Variants in SERPINI1 observed in about 807,000 individuals in gnomAD.
The protein encoded by SERPINI1 is serpin family I member 1, also known as neuroserpin.
A neutral mutation model predicts 41.1 loss-of-function variants in SERPINI1; 19 were observed. The observed-to-expected ratio is 0.46, with a 90% CI of 0.32 to 0.68. The LOEUF (loss-of-function observed/expected upper bound fraction) is 0.68, where lower values mean the gene tolerates loss of function less well. Among genes scored for constraint, SERPINI1 ranks in the 30% least tolerant of loss-of-function variants. The pLI, the probability that SERPINI1 is intolerant of heterozygous loss-of-function variation, is 0.03. For synonymous variants in SERPINI1, 138 were observed against 156.6 expected (o/e 0.88, Z 0.89); for missense variants, 460 against 479.2 (o/e 0.96, Z 0.37).
At chr3:167,787,463 G>A (rs1727352294) in intron 1 of SERPINI1, among the ~76,000 whole-genome samples, 1 of 152,160 alleles carries the variant, frequency 6.6e-6, no homozygotes, top group African/African-American at 2.4e-5. Flanking sequence ...GCCTTTTCCT[G>A]GAGTTCTCTG....
At chr3:167,782,604 T>C (rs1229501529) in intron 1 of SERPINI1, among the ~76,000 whole-genome samples, 1 of 152,190 alleles carries the variant, frequency 6.6e-6, no homozygotes, top group Non-Finnish European at 1.5e-5. Context: ...TCCATTTGTG[T>C]CCTCAAAAAG....
At chr3:167,786,059 G>A (rs1427810859) in intron 1 of SERPINI1, among the ~76,000 whole-genome samples, 1 of 152,160 alleles carries the variant, frequency 6.6e-6, no homozygotes, top group Non-Finnish European at 1.5e-5. Flanking sequence ...TAGCTCCTCG[G>A]CTACAAACTT....
At chr3:167,823,876 G>A (rs1160165644) in intron 7 of SERPINI1, among the ~76,000 whole-genome samples, 1 of 152,142 alleles carries the variant, frequency 6.6e-6, no homozygotes, top group Non-Finnish European at 1.5e-5. Context: ...CTATACTGCA[G>A]CAAGTATATA....
At chr3:167,821,362 C>A (rs768009387) in intron 6 of SERPINI1, among the ~76,000 whole-genome samples, 2 of 152,214 alleles carry the variant, frequency 1.3e-5, no homozygotes, top group African/African-American at 4.8e-5. Flanking sequence ...TGAAGCTCTG[C>A]GGTTCCCGGT....
intron 5 of SERPINI1, among the ~76,000 whole-genome samples, chr3:167,798,973 C>T (rs201703303): frequency 6.6e-6 from 1 of 151,810 alleles, no homozygotes; most frequent in East Asian, 1.9e-4. Context: ...CATACGTATC[C>T]CTTGAATCTA....
chr3:167,792,501 T>G, intron 3 of SERPINI1, 89 bp from the exon 4 acceptor site: 1 of 1,059,334 alleles, frequency 9.4e-7, no homozygotes, highest in Non-Finnish European at 1.4e-6. Context: ...TCTGGACCAC[T>G]CTATCAGATG....
intron 6 of SERPINI1, among the ~76,000 whole-genome samples, chr3:167,820,930 C>T (rs1185716913): frequency 6.6e-6 from 1 of 152,160 alleles, no homozygotes. Context: ...CCTCTGAAGC[C>T]TATAAAAACC....
chr3:167,783,784 A>G (rs9290319), intron 1 of SERPINI1, among the ~76,000 whole-genome samples: 68,135 of 152,036 alleles, frequency 0.45, 16,181 homozygotes, highest in African/African-American at 0.61. Flanking sequence ...GCTAGAGTAG[A>G]CTAGCAGAGG....
intron 6 of SERPINI1, among the ~76,000 whole-genome samples, chr3:167,815,482 T>TG (rs1429296527): frequency 2.0e-5 from 3 of 152,068 alleles, no homozygotes; most frequent in Non-Finnish European, 4.4e-5. Context: ...CTCTGCCTCC[T>TG]GGGTTCGAGC....
intron 1 of SERPINI1, among the ~76,000 whole-genome samples, chr3:167,779,193 T>A (rs1727043927): frequency 6.6e-6 from 1 of 152,186 alleles, no homozygotes; most frequent in Non-Finnish European, 1.5e-5. Context: ...AAAGAAAAAT[T>A]TCTAGCTTAA....
At chr3:167,821,373 G>A (rs79350676) in intron 6 of SERPINI1, among the ~76,000 whole-genome samples, 2,645 of 152,314 alleles carry the variant, frequency 0.017, 26 homozygotes, top group Non-Finnish European at 0.027. Context: ...GGTTCCCGGT[G>A]TCTCCAAGCT....
chr3:167,751,222 C>T (rs73035356), intron 1 of SERPINI1, among the ~76,000 whole-genome samples: 10,143 of 152,174 alleles, frequency 0.067, 1,124 homozygotes, highest in African/African-American at 0.23. Context: ...ACCGCAGACT[C>T]CTCTATTCTC....
At chr3:167,798,536 G>T (rs1161462891) in intron 5 of SERPINI1, among the ~76,000 whole-genome samples, 1 of 152,042 alleles carries the variant, frequency 6.6e-6, no homozygotes, top group Non-Finnish European at 1.5e-5. Flanking sequence ...TTTTAGCAAA[G>T]GTAAAAATGT....
chr3:167,802,992 T>C (rs1394086098), intron 5 of SERPINI1, among the ~76,000 whole-genome samples: 1 of 151,490 alleles, frequency 6.6e-6, no homozygotes, highest in Non-Finnish European at 1.5e-5. Context: ...ATGGATGAAA[T>C]TGGAAATCAT....
At chr3:167,758,257 T>G (rs571066306) in intron 1 of SERPINI1, among the ~76,000 whole-genome samples, 1 of 152,308 alleles carries the variant, frequency 6.6e-6, no homozygotes, top group East Asian at 1.9e-4. Context: ...GATGGATTGA[T>G]TTTTAACAAG....
At chr3:167,752,184 C>T (rs1003464413) in intron 1 of SERPINI1, among the ~76,000 whole-genome samples, 1 of 152,102 alleles carries the variant, frequency 6.6e-6, no homozygotes, top group Non-Finnish European at 1.5e-5. Flanking sequence ...CTCCACACTC[C>T]CCAAAAACTC....
intron 1 of SERPINI1, among the ~76,000 whole-genome samples, chr3:167,743,735 A>T (rs1252395602): frequency 6.6e-6 from 1 of 152,156 alleles, no homozygotes; most frequent in Non-Finnish European, 1.5e-5. Flanking sequence ...AAAAGAAGGC[A>T]TTGGAAGACA....
intron 1 of SERPINI1, among the ~76,000 whole-genome samples, chr3:167,774,255 T>C (rs1330235930): frequency 6.6e-6 from 1 of 152,194 alleles, no homozygotes; most frequent in Non-Finnish European, 1.5e-5. Flanking sequence ...CCACTTTGAC[T>C]TATAAAAATG....
chr3:167,822,855 C>A (rs975545482), intron 6 of SERPINI1, 131 bp from the exon 7 acceptor site: 3 of 649,340 alleles, frequency 4.6e-6, no homozygotes, highest in Non-Finnish European at 8.4e-6. Context: ...TTAATGAAAT[C>A]TTTTAACATT....
Sources: allele counts gnomAD v4.1 joint callset (sites outside exome capture counted in the v4.1 genomes callset), GRCh38; gene constraint gnomAD v4.1.1; transcripts MANE v1.5; gene names NCBI Gene and HGNC (gene_info 2026-07-23, HGNC 2026-07-21).